Variants in PRKN observed in about 807,000 individuals in gnomAD.
PRKN encodes the protein parkin RBR E3 ubiquitin protein ligase, also known as E3 ubiquitin-protein ligase parkin.
A neutral mutation model predicts 59.5 loss-of-function variants in PRKN; 56 were observed. That is an observed-to-expected ratio of 0.94 (90% CI 0.76 to 1.18). PRKN has a LOEUF of 1.18. Among genes scored for constraint, PRKN ranks in the 50% most tolerant of loss-of-function variants. The probability of loss-of-function intolerance (pLI) is 0.00; values close to 1 mark genes in which losing one functional copy is unlikely to be tolerated. For missense variants in PRKN, 657 were observed against 596.4 expected (o/e 1.10, Z -1.06); for synonymous variants, 250 against 222.1 (o/e 1.13, Z -1.12).
intron 9 of PRKN, among the ~76,000 whole-genome samples, chr6:161,541,735 C>A (rs866153459): frequency 6.6e-6 from 1 of 151,798 alleles, no homozygotes; most frequent in Non-Finnish European, 1.5e-5. Flanking sequence ...GCAGGAGAAT[C>A]GTTTGAACCT....
At chr6:162,677,287 C>T (rs905832786) in intron 1 of PRKN, among the ~76,000 whole-genome samples, 12 of 151,756 alleles carry the variant, frequency 7.9e-5, no homozygotes, top group African/African-American at 2.9e-4. Context: ...AATAAAAAGA[C>T]AGACGGGCAA....
rs976997923 is a variant in PRKN, at chr6:161,834,446, C to T, written c.735-48538G>A. ...GTCTCCACAGTTTCAAAATAGCCTG[C>T]GGTAACTAGGCATTGTTATTATTTA... On this transcript the variant is annotated intron_variant, in intron 6 of 11. Coordinates refer to ENST00000366898, the MANE Select transcript of PRKN (RefSeq NM_004562.3). 5.9e-5 allele frequency among the ~76,000 whole-genome samples: 9 copies of T among 152,060 alleles called. 1 individual carries two copies. Among genetic ancestry groups the T allele is most frequent in the East Asian group, 1.9e-4 (1 of 5,194 alleles).
chr6:162,028,844 G>T (rs1052453829), intron 5 of PRKN, among the ~76,000 whole-genome samples: 1 of 152,176 alleles, frequency 6.6e-6, no homozygotes, highest in African/African-American at 2.4e-5. Flanking sequence ...AGTGGACATC[G>T]CCCAGGAGGA....
chr6:161,890,057 G>A (rs962669984), intron 6 of PRKN, among the ~76,000 whole-genome samples: 14 of 152,232 alleles, frequency 9.2e-5, no homozygotes, highest in African/African-American at 2.6e-4. Context: ...AACAGGTCTC[G>A]TATCAGCTCT....
At chr6:161,791,624 G>A (rs1790642619) in intron 6 of PRKN, among the ~76,000 whole-genome samples, 1 of 152,186 alleles carries the variant, frequency 6.6e-6, no homozygotes, top group African/African-American at 2.4e-5. Flanking sequence ...AAAGCAATGT[G>A]CCAGATATTT....
intron 3 of PRKN, among the ~76,000 whole-genome samples, chr6:162,261,745 G>A (rs1022328321): frequency 1.1e-4 from 17 of 152,074 alleles, no homozygotes; most frequent in African/African-American, 4.1e-4. Context: ...ATTTAAAGAT[G>A]TTGTTTCTAC....
intron 2 of PRKN, among the ~76,000 whole-genome samples, chr6:162,359,810 A>C (rs1458211540): frequency 6.6e-6 from 1 of 152,168 alleles, no homozygotes; most frequent in Non-Finnish European, 1.5e-5. Context: ...GTAAAGATAC[A>C]TGTTTAGTTA....
At chr6:162,613,608 T>C (rs1260384662) in intron 1 of PRKN, among the ~76,000 whole-genome samples, 1 of 152,166 alleles carries the variant, frequency 6.6e-6, no homozygotes, top group Non-Finnish European at 1.5e-5. Context: ...TTGCAGCAAA[T>C]GCTTCTACCT....
intron 6 of PRKN, among the ~76,000 whole-genome samples, chr6:161,828,875 A>G (rs1017233838): frequency 6.6e-6 from 1 of 151,672 alleles, no homozygotes; most frequent in East Asian, 1.9e-4. Context: ...GGTTGCAGTG[A>G]GCTGAGATCA....
intron 3 of PRKN, among the ~76,000 whole-genome samples, chr6:162,208,252 T>TC (rs1785043569): frequency 6.6e-6 from 1 of 152,198 alleles, no homozygotes; most frequent in African/African-American, 2.4e-5. Context: ...TAACGAGCCA[T>TC]AAACTTAACT....
rs1371374295 is a variant in PRKN at position 161,456,776 on chromosome 6, CA to C, written c.1084-69900del. On this transcript the variant is annotated intron_variant, in intron 9 of 11. Coordinates refer to ENST00000366898, the MANE Select transcript of PRKN (RefSeq NM_004562.3). This position sits in a 1 kb window ranked among gnomAD's most constrained non-coding sequence, Gnocchi z 4.8. ...TCAGAGGGTGAAAGGGTCTGGGGTA[CA>C]TGCACATGACCCTTCCTCTTCCTCT... 6.6e-6 allele frequency among the ~76,000 whole-genome samples: 1 copy of C among 152,180 alleles called. No individual in the cohort carries two copies. Among genetic ancestry groups the C allele is most frequent in the Admixed American group, 6.5e-5 (1 of 15,282 alleles).
intron 6 of PRKN, among the ~76,000 whole-genome samples, chr6:161,786,928 A>G (rs1037833946): frequency 6.6e-6 from 1 of 152,106 alleles, no homozygotes; most frequent in African/African-American, 2.4e-5. Flanking sequence ...AAATCTTAAA[A>G]GCCATGTATT....
intron 6 of PRKN, among the ~76,000 whole-genome samples, chr6:161,929,062 G>T (rs1037432355): frequency 5.3e-5 from 8 of 152,180 alleles, no homozygotes; most frequent in East Asian, 1.9e-4. Flanking sequence ...GAAGGTGGAG[G>T]TACTCCAAAT....
chr6:161,733,020 G>A (rs1265345942), intron 7 of PRKN, among the ~76,000 whole-genome samples: 2 of 152,092 alleles, frequency 1.3e-5, no homozygotes, highest in African/African-American at 4.8e-5. Flanking sequence ...TTCAGAAAAT[G>A]CTGCTAACAG....
At chr6:162,455,719 A>G (rs918772649) in intron 1 of PRKN, among the ~76,000 whole-genome samples, 12 of 151,612 alleles carry the variant, frequency 7.9e-5, no homozygotes, top group African/African-American at 2.9e-4. Context: ...AAAGGCGGTC[A>G]CTTTCCACAA....
intron 1 of PRKN, among the ~76,000 whole-genome samples, chr6:162,493,364 T>G (rs1792908121): frequency 6.6e-6 from 1 of 152,104 alleles, no homozygotes; most frequent in South Asian, 2.1e-4. Context: ...ATTATGGACT[T>G]GAAAGAACTT....
chr6:162,580,640 C>G (rs1337919275), intron 1 of PRKN, among the ~76,000 whole-genome samples: 1 of 151,962 alleles, frequency 6.6e-6, no homozygotes, highest in African/African-American at 2.4e-5. Context: ...TTATGAAATT[C>G]ATCTGGATGT....
At chr6:161,846,299 C>T (rs1562333592) in intron 6 of PRKN, among the ~76,000 whole-genome samples, 1 of 152,166 alleles carries the variant, frequency 6.6e-6, no homozygotes, top group East Asian at 1.9e-4. Flanking sequence ...TCAAGGGTTA[C>T]TATTAATACT....
chr6:161,678,361 C>T (rs1245361772), intron 7 of PRKN, among the ~76,000 whole-genome samples: 1 of 149,552 alleles, frequency 6.7e-6, no homozygotes, highest in Non-Finnish European at 1.5e-5. Flanking sequence ...TTCTTCTATA[C>T]AATGGGGACA....
Sources: gnomAD v4.1 joint callset for allele counts (sites outside exome capture counted in the v4.1 genomes callset) on GRCh38, gnomAD v4.1.1 for gene constraint, Gnocchi (gnomAD v3.1) non-coding constraint, MANE v1.5 for transcripts, NCBI Gene and HGNC (gene_info 2026-07-23, HGNC 2026-07-21) for gene names.